The following CCSER1 variants were observed in gnomAD, a reference collection of about 807,000 sequenced individuals.
CCSER1 encodes serine-rich coiled-coil domain-containing protein 1.
In CCSER1, 41 loss-of-function variants were observed where a neutral mutation model predicts 82.0. The observed-to-expected ratio is 0.50, with a 90% CI of 0.39 to 0.65. The LOEUF (loss-of-function observed/expected upper bound fraction) is 0.65. Ranked by LOEUF, CCSER1 falls within the 30% of genes least tolerant of loss-of-function variation. CCSER1 has a pLI of 0.00. For synonymous variants in CCSER1, 414 were observed against 383.9 expected (o/e 1.08, Z -0.92); for missense variants, 1,119 against 1,064.2 (o/e 1.05, Z -0.72).
chr4:90,877,340 A>G (rs1443083513), intron 8 of CCSER1, among the ~76,000 whole-genome samples: 1 of 152,124 alleles, frequency 6.6e-6, no homozygotes, highest in Non-Finnish European at 1.5e-5. Flanking sequence ...TTTGAATAAC[A>G]ATAGTAATCT....
intron 1 of CCSER1, among the ~76,000 whole-genome samples, chr4:90,273,560 G>T (rs1280749208): frequency 6.6e-6 from 1 of 152,090 alleles, no homozygotes; most frequent in African/African-American, 2.4e-5. Context: ...ACTTTATTTT[G>T]TGGATGTTAA....
intron 4 of CCSER1, among the ~76,000 whole-genome samples, chr4:90,446,308 T>C (rs28450012): frequency 0.24 from 37,060 of 152,030 alleles, 6,374 homozygotes; most frequent in African/African-American, 0.48. Context: ...TTTTATTTAA[T>C]TTCTTAAAAG....
At chr4:90,188,391 T>C (rs1735010968) in intron 1 of CCSER1, among the ~76,000 whole-genome samples, 1 of 151,978 alleles carries the variant, frequency 6.6e-6, no homozygotes, top group African/African-American at 2.4e-5. Flanking sequence ...CTTCTATCAT[T>C]GTAGTCTTAT....
chr4:91,011,472 C>T (rs1739001688), intron 9 of CCSER1, among the ~76,000 whole-genome samples: 1 of 133,616 alleles, frequency 7.5e-6, no homozygotes. Context: ...GTGTCAAGAA[C>T]CTATTGTGGC....
chr4:90,697,149 T>C (rs1737130369), intron 6 of CCSER1, among the ~76,000 whole-genome samples: 1 of 152,152 alleles, frequency 6.6e-6, no homozygotes, highest in Non-Finnish European at 1.5e-5. Context: ...CTCCAGACTG[T>C]CTGAAGAAAT....
chr4:91,381,280 C>T (rs1387971214), intron 10 of CCSER1, among the ~76,000 whole-genome samples: 1 of 152,078 alleles, frequency 6.6e-6, no homozygotes, highest in African/African-American at 2.4e-5. Flanking sequence ...TTTCCTGAAT[C>T]TGAATGTTGG....
intron 10 of CCSER1, among the ~76,000 whole-genome samples, chr4:91,563,581 A>G (rs1213089225): frequency 1.3e-5 from 2 of 151,834 alleles, no homozygotes; most frequent in Non-Finnish European, 2.9e-5. Flanking sequence ...ACCATCCCAC[A>G]GTTAACATAA....
intron 1 of CCSER1, among the ~76,000 whole-genome samples, chr4:90,156,134 A>T (rs1728097339): frequency 6.6e-6 from 1 of 152,306 alleles, no homozygotes; most frequent in East Asian, 1.9e-4. Flanking sequence ...TTATGTACCC[A>T]GTAGTCATTC....
At chr4:90,280,335 C>G (rs1728631922) in intron 1 of CCSER1, among the ~76,000 whole-genome samples, 2 of 151,858 alleles carry the variant, frequency 1.3e-5, no homozygotes. Flanking sequence ...TCCCTTCCTT[C>G]TTCTCTCCCT....
chr4:90,838,187 C>A (rs1316508091), intron 8 of CCSER1, among the ~76,000 whole-genome samples: 8 of 151,298 alleles, frequency 5.3e-5, no homozygotes, highest in Non-Finnish European at 8.8e-5. Flanking sequence ...ATCCTATAAA[C>A]TAAGATACTT....
chr4:91,572,621 T>G (rs976150113), intron 10 of CCSER1, among the ~76,000 whole-genome samples: 1 of 151,778 alleles, frequency 6.6e-6, no homozygotes, highest in African/African-American at 2.4e-5. Context: ...GAGGCCCCAG[T>G]TGGGAGGTCC....
At chr4:91,125,972 T>G (rs1247934543) in intron 10 of CCSER1, among the ~76,000 whole-genome samples, 1 of 151,712 alleles carries the variant, frequency 6.6e-6, no homozygotes, top group Non-Finnish European at 1.5e-5. Context: ...TCATGGAAAT[T>G]TTATGTAGCA....
chr4:90,953,177 G>C (rs1486707800), intron 9 of CCSER1, among the ~76,000 whole-genome samples: 1 of 151,768 alleles, frequency 6.6e-6, no homozygotes, highest in East Asian at 1.9e-4. Flanking sequence ...TATTGTTATA[G>C]TTACTAAACA....
At chr4:91,411,159 CATA>C (rs1267893872) in intron 10 of CCSER1, among the ~76,000 whole-genome samples, 1 of 151,650 alleles carries the variant, frequency 6.6e-6, no homozygotes, top group African/African-American at 2.4e-5. Context: ...ATATTCCTCT[CATA>C]ATATTTTGAC....
intron 5 of CCSER1, among the ~76,000 whole-genome samples, chr4:90,477,407 G>C (rs1016006123): frequency 6.6e-6 from 1 of 152,082 alleles, no homozygotes; most frequent in Non-Finnish European, 1.5e-5. Flanking sequence ...CATTGTGAAA[G>C]TATTCAATTT....
At chr4:91,000,307 A>T (rs1209119395) in intron 9 of CCSER1, among the ~76,000 whole-genome samples, 2 of 151,948 alleles carry the variant, frequency 1.3e-5, no homozygotes, top group African/African-American at 2.4e-5. Context: ...ACTACATTAT[A>T]ATATAAGCTA....
chr4:91,515,024 C>T (rs1006610318), intron 10 of CCSER1, among the ~76,000 whole-genome samples: 1 of 152,012 alleles, frequency 6.6e-6, no homozygotes, highest in Non-Finnish European at 1.5e-5. Flanking sequence ...CAAAAACACC[C>T]GGAATGATGT....
intron 4 of CCSER1, among the ~76,000 whole-genome samples, chr4:90,443,477 G>A (rs1760195990): frequency 6.6e-6 from 1 of 152,082 alleles, no homozygotes. Context: ...GAGCAGGACA[G>A]CAGGAAATTT....
chr4:91,042,785 GA>G (rs1742087968), intron 9 of CCSER1, among the ~76,000 whole-genome samples: 1 of 151,994 alleles, frequency 6.6e-6, no homozygotes, highest in Non-Finnish European at 1.5e-5. Context: ...TTACAGGGGG[GA>G]AAAAGTACGT....
Sources: gnomAD v4.1 joint callset for allele counts (sites outside exome capture counted in the v4.1 genomes callset) on GRCh38, gnomAD v4.1.1 for gene constraint, MANE v1.5 for transcripts, NCBI Gene and HGNC (gene_info 2026-07-23, HGNC 2026-07-21) for gene names.